The following ATOSA variants were observed in gnomAD, a reference collection of about 807,000 sequenced individuals.
ATOSA encodes atos homolog A.
the ATOSA span, among the ~76,000 whole-genome samples, chr15:52,660,305 T>C: frequency 7.9e-5 from 12 of 152,332 alleles, no homozygotes; most frequent in South Asian, 1.0e-3. Context: ...GACAGTATAA[T>C]ATGAAGAAAT....
chr15:52,633,561 G>A, the ATOSA span, among the ~76,000 whole-genome samples: 1 of 152,018 alleles, frequency 6.6e-6, no homozygotes, highest in Non-Finnish European at 1.5e-5. Context: ...TTAAAGCATT[G>A]AAGAGGAGAC....
the ATOSA span, among the ~76,000 whole-genome samples, chr15:52,645,400 T>C: frequency 6.6e-6 from 1 of 152,210 alleles, no homozygotes; most frequent in African/African-American, 2.4e-5. Flanking sequence ...GATCACGCTA[T>C]GCCACTGCGC....
the ATOSA span, among the ~76,000 whole-genome samples, chr15:52,588,918 C>A: frequency 6.6e-6 from 1 of 152,298 alleles, no homozygotes; most frequent in African/African-American, 2.4e-5. Context: ...TAAAACAGCA[C>A]TGTTCTATCA....
the ATOSA span, among the ~76,000 whole-genome samples, chr15:52,621,791 A>G: frequency 6.6e-6 from 1 of 151,962 alleles, no homozygotes; most frequent in Non-Finnish European, 1.5e-5. Context: ...TTCTTTATAA[A>G]TTACCCAGTC....
At chr15:52,605,091 G>GT in the ATOSA span, 1 of 1,238,788 alleles carries the variant, frequency 8.1e-7, no homozygotes, top group African/African-American at 1.5e-5. Context: ...CCTTTCAGAT[G>GT]TATGTAAGTT....
At chr15:52,707,981 T>G in the ATOSA span, among the ~76,000 whole-genome samples, 1 of 152,166 alleles carries the variant, frequency 6.6e-6, no homozygotes, top group African/African-American at 2.4e-5. Context: ...ACCATTCCTG[T>G]CATAGAAACC....
At chr15:52,691,200 T>A in the ATOSA span, among the ~76,000 whole-genome samples, 2 of 152,210 alleles carry the variant, frequency 1.3e-5, no homozygotes, top group Non-Finnish European at 2.9e-5. Flanking sequence ...AAAAATGCTC[T>A]TATATTTTAT....
chr15:52,633,777 C>CTATACAAA, the ATOSA span, among the ~76,000 whole-genome samples: 2 of 152,060 alleles, frequency 1.3e-5, no homozygotes, highest in Admixed American at 1.3e-4. Context: ...GAATCTATAT[C>CTATACAAA]TATACAAAAA....
At chr15:52,701,113 A>G in the ATOSA span, among the ~76,000 whole-genome samples, 1 of 152,236 alleles carries the variant, frequency 6.6e-6, no homozygotes, top group African/African-American at 2.4e-5. Flanking sequence ...AAGCCTCTAT[A>G]CTTAAAACAA....
chr15:52,581,826 A>G, the ATOSA span: 1 of 196,390 alleles, frequency 5.1e-6, no homozygotes, highest in Non-Finnish European at 1.0e-5. Context: ...ACATTAGAAC[A>G]CTAGAGACAA....
the ATOSA span, among the ~76,000 whole-genome samples, chr15:52,607,325 T>G: frequency 1.3e-5 from 2 of 152,194 alleles, no homozygotes; most frequent in African/African-American, 4.8e-5. Context: ...AATAATACAT[T>G]AAGCTAATAC....
the ATOSA span, among the ~76,000 whole-genome samples, chr15:52,638,123 G>T: frequency 2.0e-5 from 3 of 152,140 alleles, no homozygotes; most frequent in Non-Finnish European, 4.4e-5. Flanking sequence ...GGTTGAGAAG[G>T]TTTACAATGT....
chr15:52,698,746 T>A, the ATOSA span, among the ~76,000 whole-genome samples: 2 of 152,328 alleles, frequency 1.3e-5, no homozygotes, highest in South Asian at 2.1e-4. Flanking sequence ...GAGAATTGCA[T>A]GCGGTACAGA....
chr15:52,638,414 G>GTACC, the ATOSA span, among the ~76,000 whole-genome samples: 2 of 152,100 alleles, frequency 1.3e-5, no homozygotes, highest in African/African-American at 4.8e-5. Context: ...TTAAAAAAGA[G>GTACC]TACCACTGTG....
the ATOSA span, among the ~76,000 whole-genome samples, chr15:52,669,655 A>C: frequency 6.6e-6 from 1 of 152,346 alleles, no homozygotes; most frequent in South Asian, 2.1e-4. Context: ...GAAAACTTTA[A>C]ATATTGTTTA....
chr15:52,609,836 T>C, the ATOSA span: 10 of 1,613,932 alleles, frequency 6.2e-6, no homozygotes, highest in Non-Finnish European at 8.5e-6. Flanking sequence ...ATTAAAGGGT[T>C]AGTCTCACCA....
the ATOSA span, among the ~76,000 whole-genome samples, chr15:52,660,883 A>G: frequency 6.6e-6 from 1 of 152,046 alleles, no homozygotes; most frequent in Non-Finnish European, 1.5e-5. Context: ...CAAACTCCCA[A>G]CCTCAGGTGA....
the ATOSA span, chr15:52,610,067 C>A: frequency 1.2e-6 from 2 of 1,613,970 alleles, no homozygotes; most frequent in Non-Finnish European, 1.7e-6. Context: ...CCACTTTTTG[C>A]ATGTAACACA....
chr15:52,602,361 C>G, the ATOSA span, among the ~76,000 whole-genome samples: 1 of 152,214 alleles, frequency 6.6e-6, no homozygotes, highest in Non-Finnish European at 1.5e-5. Flanking sequence ...TTTTAACTCT[C>G]AAATTGCTCT....
Sources: gnomAD v4.1 joint callset for allele counts (sites outside exome capture counted in the v4.1 genomes callset) on GRCh38, gnomAD v4.1.1 for gene constraint, MANE v1.5 for transcripts, NCBI Gene and HGNC (gene_info 2026-07-23, HGNC 2026-07-21) for gene names.